PCDHA8: variants seen among roughly 807,000 people sequenced by gnomAD.
The protein encoded by PCDHA8 is protocadherin alpha 8.
A neutral mutation model predicts 61.8 loss-of-function variants in PCDHA8; 53 were observed. That is an observed-to-expected ratio of 0.86 (90% confidence interval 0.69 to 1.08). The LOEUF is 1.08. Among genes scored for constraint, PCDHA8 ranks in the 50% least tolerant of loss-of-function variants. PCDHA8 has a pLI of 0.00. For missense variants in PCDHA8, 1,293 were observed against 1,245.0 expected (o/e 1.04, Z -0.58); for synonymous variants, 618 against 556.6 (o/e 1.11, Z -1.55).
intron 1 of PCDHA8, chr5:140,882,941 A>G (rs2059372388): frequency 6.2e-7 from 1 of 1,614,128 alleles, no homozygotes; most frequent in African/African-American, 1.3e-5. Context: ...GCTGACTGGC[A>G]CAGTTCAGCT....
intron 1 of PCDHA8, among the ~76,000 whole-genome samples, chr5:140,956,370 A>G (rs1229960310): frequency 6.6e-6 from 1 of 152,152 alleles, no homozygotes; most frequent in East Asian, 1.9e-4. Context: ...GGGATGTTGA[A>G]TTTTATCGAA....
intron 1 of PCDHA8, among the ~76,000 whole-genome samples, chr5:140,844,363 T>A (rs1464433937): frequency 6.7e-6 from 1 of 149,592 alleles, no homozygotes; most frequent in Non-Finnish European, 1.5e-5. Context: ...GGAAGAGATT[T>A]GTAATCCTTC....
intron 1 of PCDHA8, chr5:140,877,530 T>C: frequency 1.2e-6 from 2 of 1,613,780 alleles, no homozygotes; most frequent in Non-Finnish European, 1.7e-6. Context: ...CAGTGGGCGC[T>C]GTGGATCCCG....
chr5:140,986,154 A>G (rs2097188970), intron 3 of PCDHA8, among the ~76,000 whole-genome samples: 1 of 152,182 alleles, frequency 6.6e-6, no homozygotes, highest in Non-Finnish European at 1.5e-5. Context: ...TCACCAAGTA[A>G]TGTTTTCTGC....
chr5:140,967,665 C>A, intron 1 of PCDHA8: 1 of 1,614,154 alleles, frequency 6.2e-7, no homozygotes, highest in Non-Finnish European at 8.5e-7. Context: ...AGCAGCTACA[C>A]GTCGGACCGG....
rs782733393 is a variant in PCDHA8 at position 140,875,889 on chromosome 5, G to T, written c.2394+32174G>T. The T allele has an allele frequency of 4.8e-5, 78 of 1,614,056 alleles. No homozygotes were observed. The highest frequency in any genetic ancestry group is 5.8e-5 in the Non-Finnish European group (69 of 1,180,042). On this transcript the variant is annotated intron_variant, in intron 1 of 3. Coordinates refer to ENST00000531613, the MANE Select transcript of PCDHA8 (RefSeq NM_018911.3). ...CGGTGTTCAGAGAAAGGGAACAAAA[G>T]GTACCTGTTTCTGAATCTGCGCCTC...
chr5:140,863,406 G>A (rs1228817689), intron 1 of PCDHA8: 1 of 800,564 alleles, frequency 1.2e-6, no homozygotes, highest in East Asian at 4.2e-5. Context: ...GCAAGCCCAC[G>A]CTGGTGTACC....
intron 1 of PCDHA8, among the ~76,000 whole-genome samples, chr5:140,921,337 C>T (rs1339756681): frequency 6.6e-6 from 1 of 152,082 alleles, no homozygotes; most frequent in Non-Finnish European, 1.5e-5. Flanking sequence ...GGTCCAATCA[C>T]ATAATATATT....
chr5:140,931,188 G>A (rs782167226), intron 1 of PCDHA8, among the ~76,000 whole-genome samples: 1 of 152,126 alleles, frequency 6.6e-6, no homozygotes, highest in South Asian at 2.1e-4. Flanking sequence ...GGAAATTGGT[G>A]CACTACAATG....
chr5:140,932,608 T>C (rs573580763), intron 1 of PCDHA8, among the ~76,000 whole-genome samples: 1 of 151,996 alleles, frequency 6.6e-6, no homozygotes, highest in African/African-American at 2.4e-5. Flanking sequence ...TATTTTGACT[T>C]TGAAGCTGAT....
In PCDHA8 at chr5:140,842,966, G is replaced by A. The variant is rs1481565497; in HGVS notation, c.1645G>A (p.Val549Met). Residue 549 changes from valine (V) to methionine (M), a missense_variant, in exon 1 of 4, where the codon GTG becomes ATG. Physicochemically the swap from Val to Met is conservative, Grantham distance 21. Coordinates refer to ENST00000531613, the MANE Select transcript of PCDHA8 (RefSeq NM_018911.3). The part of the protein sequence containing the change: ...DAGVPPLGSN[V>M]TLQVFVLDEN... ...GGGCGTGCCGCCTCTGGGCAGCAAC[G>A]TGACGCTGCAGGTGTTCGTGCTGGA... The A allele has an allele frequency of 4.4e-6, 7 of 1,595,016 alleles. No individual in the cohort carries two copies. The highest frequency in any genetic ancestry group is 2.2e-5 in the East Asian group (1 of 44,820).
At position 140,969,313 on chromosome 5, in the gene PCDHA8, G is replaced by A. The variant is rs2096317901; in HGVS notation, c.2395-9636G>A. 3.7e-6 allele frequency: 6 copies of A among 1,614,160 alleles called. No homozygotes were observed. In the East Asian group the frequency reaches 8.9e-5, roughly 24 times the overall value. ...GGAACCTGATTATTCTCAAAAATGAGGCTGTTTCTCAAAATGAGGTGAGAC... is the reference window on the plus strand; with the variant it reads ...GGAACCTGATTATTCTCAAAAATGAAGCTGTTTCTCAAAATGAGGTGAGAC... On this transcript the variant is annotated intron_variant, in intron 1 of 3. Coordinates refer to ENST00000531613, the MANE Select transcript of PCDHA8 (RefSeq NM_018911.3).
intron 1 of PCDHA8, among the ~76,000 whole-genome samples, chr5:140,906,402 A>G (rs1378425113): frequency 1.3e-5 from 2 of 152,268 alleles, no homozygotes; most frequent in African/African-American, 4.8e-5. Flanking sequence ...AAATTTTCAT[A>G]TGAAGTCAAT....
In PCDHA8 at chr5:140,841,717, G is replaced by A; in HGVS notation, c.396G>A (p.Val132=). The A allele has an allele frequency of 6.2e-7, 1 of 1,613,924 alleles. No individual in the cohort carries two copies. Among genetic ancestry groups the A allele is most frequent in the Non-Finnish European group, 8.5e-7 (1 of 1,179,890 alleles). ...AGGATGTTAATGACAACCCGCCAGT[G>A]TTCCGGGTAAAAGACCAAAAGCTGT... The part of the protein sequence containing the change: ...EVKDVNDNPP[V]FRVKDQKLFV... The change falls in exon 1 of 4, where the codon GTG becomes GTA. Residue 132 remains valine (V), a synonymous_variant. Coordinates refer to ENST00000531613, the MANE Select transcript of PCDHA8 (RefSeq NM_018911.3).
At chr5:140,858,356 T>G (rs782216764) in intron 1 of PCDHA8, 1 of 1,593,100 alleles carries the variant, frequency 6.3e-7, no homozygotes, top group Non-Finnish European at 8.6e-7. Context: ...CCTCATGGCC[T>G]TCAGCCCCAG....
intron 1 of PCDHA8, chr5:140,849,459 G>T (rs2150438078): frequency 1.3e-6 from 2 of 1,587,980 alleles, no homozygotes. Flanking sequence ...CCCAGTCGAG[G>T]CTGTCGATAA....
chr5:140,871,489 G>A (rs782277615), intron 1 of PCDHA8: 6 of 1,590,138 alleles, frequency 3.8e-6, no homozygotes, highest in Non-Finnish European at 5.1e-6. Flanking sequence ...AAATCACCCC[G>A]GACAGGTGAG....
chr5:140,909,072 C>A (rs2074300655), intron 1 of PCDHA8, among the ~76,000 whole-genome samples: 1 of 152,162 alleles, frequency 6.6e-6, no homozygotes, highest in African/African-American at 2.4e-5. Flanking sequence ...CCAATAAGCC[C>A]AGTGTGTTTG....
chr5:140,996,531 G>A (rs782175834), intron 3 of PCDHA8, among the ~76,000 whole-genome samples: 1 of 152,146 alleles, frequency 6.6e-6, no homozygotes, highest in African/African-American at 2.4e-5. Context: ...GGCCCTGTGT[G>A]TTTTGATATT....
Sources: gnomAD v4.1 joint callset for allele counts (sites outside exome capture counted in the v4.1 genomes callset) on GRCh38, gnomAD v4.1.1 for gene constraint, MANE v1.5 for transcripts, NCBI Gene and HGNC (gene_info 2026-07-23, HGNC 2026-07-21) for gene names.